Variants in RBM38 observed in about 807,000 individuals in gnomAD.
The protein encoded by RBM38 is RNA binding motif protein 38.
RBM38 carries 11 observed loss-of-function variants against 23.5 expected under a neutral mutation model. That is an observed-to-expected ratio of 0.47 (90% CI 0.29 to 0.77). RBM38 has a LOEUF of 0.77. RBM38 is among the 30% of genes least tolerant of loss of function. The pLI is 0.08. For missense variants in RBM38, 330 were observed against 351.9 expected (o/e 0.94, Z 0.50); for synonymous variants, 165 against 166.1 (o/e 0.99, Z 0.05).
At chr20:57,393,121 C>T (rs1359399679) in intron 2 of RBM38, 158 bp from the exon 3 acceptor site, 3 of 758,682 alleles carry the variant, frequency 4.0e-6, no homozygotes, top group Admixed American at 4.2e-5. Context: ...AGCGGTGTGC[C>T]TTGGGGTTCA....
chr20:57,392,863 C>G, intron 2 of RBM38, 86 bp downstream of exon 2: 1 of 1,535,144 alleles, frequency 6.5e-7, no homozygotes, highest in Non-Finnish European at 8.8e-7. Context: ...GCCCCCCCTC[C>G]TCGCCCCAGC....
intron 3 of RBM38, among the ~76,000 whole-genome samples, chr20:57,397,735 C>T (rs1032344052): frequency 2.8e-4 from 42 of 152,362 alleles, no homozygotes; most frequent in Middle Eastern, 3.4e-3. Flanking sequence ...ATCATTCATT[C>T]ATCAGGTGTT....
rs754559120 is a variant in RBM38, at chr20:57,392,796, C to T, written c.361+19C>T. 1.2e-6 allele frequency: 2 copies of T among 1,608,316 alleles called. No individual in the cohort carries two copies. Among genetic ancestry groups the T allele is most frequent in the Non-Finnish European group, 1.7e-6 (2 of 1,178,256 alleles). On this transcript the variant is annotated intron_variant, in intron 2 of 3. Coordinates refer to ENST00000356208, the MANE Select transcript of RBM38 (RefSeq NM_017495.6). ...CAGACGGGTGAGAGCTTGTGTTTTCCTGCCTGGCTCTTCTCGGTTTCTATA... is the reference window on the plus strand; with the variant it reads ...CAGACGGGTGAGAGCTTGTGTTTTCTTGCCTGGCTCTTCTCGGTTTCTATA...
At chr20:57,399,521 G>T (rs541546294) in intron 3 of RBM38, among the ~76,000 whole-genome samples, 1 of 152,240 alleles carries the variant, frequency 6.6e-6, no homozygotes, top group Non-Finnish European at 1.5e-5. Context: ...CTTTGAAATG[G>T]GAGATGGGCT....
Position 57,394,938 on chromosome 20 carries a change from C to G in RBM38, c.416+1605C>G, listed in dbSNP as rs1434343927. Among the ~76,000 whole-genome samples, 2 of 152,218 alleles carry G rather than the reference C, an allele frequency of 1.3e-5. 1 individual carries two copies. Among genetic ancestry groups the G allele is most frequent in the South Asian group, 4.1e-4 (2 of 4,834 alleles). On this transcript the variant is annotated intron_variant, in intron 3 of 3. Transcript: ENST00000356208. Reference sequence around the variant, plus strand: ...CTCGCTCTGATCCACACAGCTACCTCTGGGACTCCATACCCATCAGTGCTT... The same window carrying G: ...CTCGCTCTGATCCACACAGCTACCTGTGGGACTCCATACCCATCAGTGCTT...
intron 3 of RBM38, among the ~76,000 whole-genome samples, chr20:57,401,536 C>CA (rs2067328220): frequency 6.6e-6 from 1 of 152,244 alleles, no homozygotes; most frequent in South Asian, 2.1e-4. Context: ...GGGCCTGCCT[C>CA]AGATGCTCAG....
intron 3 of RBM38, among the ~76,000 whole-genome samples, chr20:57,406,227 A>G (rs972572974): frequency 1.3e-5 from 2 of 152,152 alleles, no homozygotes; most frequent in Non-Finnish European, 2.9e-5. Context: ...GCCCCAGGCC[A>G]CCGAGCAGCT....
intron 3 of RBM38, among the ~76,000 whole-genome samples, chr20:57,396,650 T>C (rs1243342864): frequency 2.0e-5 from 3 of 152,100 alleles, no homozygotes; most frequent in Admixed American, 6.5e-5. Flanking sequence ...TTATAGAACG[T>C]TTGAAGGGGG....
chr20:57,392,587 G>T, intron 1 of RBM38, 67 bp from the exon 2 acceptor site: 1 of 1,543,434 alleles, frequency 6.5e-7, no homozygotes, highest in Non-Finnish European at 8.7e-7. Context: ...TGCCAGGGCG[G>T]AGCCGTCTGC....
At chr20:57,398,993 G>A (rs2146209872) in intron 3 of RBM38, among the ~76,000 whole-genome samples, 1 of 152,346 alleles carries the variant, frequency 6.6e-6, no homozygotes, top group Non-Finnish European at 1.5e-5. Flanking sequence ...TGCTTGCTTT[G>A]TGCCAGGCTG....
At chr20:57,391,899 C>A (rs2067219910) in intron 1 of RBM38, 81 bp downstream of exon 1, 3 of 1,016,820 alleles carry the variant, frequency 3.0e-6, no homozygotes, top group Non-Finnish European at 3.8e-6. Context: ...CCGGGGCACA[C>A]GCCCAGACGG....
chr20:57,391,714 A>G lies in RBM38; in HGVS notation c.133A>G (p.Thr45Ala). 6.5e-7 allele frequency: 1 copy of G among 1,535,278 alleles called. No individual in the cohort carries two copies. The highest frequency in any genetic ancestry group is 1.4e-5 in the African/African-American group (1 of 71,308). Reference sequence around the variant, plus strand: ...CTTCGTGGGCGGCCTGCCGTACCACACTACCGACGCCTCGCTCAGGAAGTA... The same window carrying G: ...CTTCGTGGGCGGCCTGCCGTACCACGCTACCGACGCCTCGCTCAGGAAGTA... ...KIFVGGLPYH[T>A]TDASLRKYFE... is the part of the protein sequence containing the mutation. The change falls in exon 1 of 4, where the codon ACT becomes GCT. Residue 45 changes from threonine to alanine, a missense_variant. Around this residue, in one of 3 missense-constraint regions of RBM38, gnomAD observed 95 missense variants for 111.9 expected, o/e 0.85. Coordinates refer to ENST00000356208, the MANE Select transcript of RBM38 (RefSeq NM_017495.6).
chr20:57,407,527 CTGCT>C lies in RBM38; in HGVS notation c.417-13_417-10del, dbSNP rs1568815266. ...AACTCCGTTCTGGCCCTAACCTGCTCTGCTTGGCCCCACAGGCTGACCCCGCACT... is the reference window on the plus strand; with the variant it reads ...AACTCCGTTCTGGCCCTAACCTGCTCTGGCCCCACAGGCTGACCCCGCACT... On this transcript the variant is annotated splice_polypyrimidine_tract_variant and intron_variant, in intron 3 of 3. Transcript: ENST00000356208. The surrounding 1 kb of genome is among the most constrained non-coding windows in gnomAD (Gnocchi z 4.0). 1 of 1,611,226 alleles carries C rather than the reference CTGCT, an allele frequency of 6.2e-7. No individual in the cohort carries two copies. Among genetic ancestry groups the C allele is most frequent in the Admixed American group, 1.7e-5 (1 of 59,888 alleles).
intron 3 of RBM38, among the ~76,000 whole-genome samples, chr20:57,405,158 A>G (rs2067368698): frequency 6.6e-6 from 1 of 152,050 alleles, no homozygotes; most frequent in African/African-American, 2.4e-5. Flanking sequence ...ATCGCTGTCC[A>G]CACATCACAG....
rs538465534 is a variant in RBM38 at position 57,395,316 on chromosome 20, A to G, written c.416+1983A>G. 2.0e-5 allele frequency among the ~76,000 whole-genome samples: 3 copies of G among 150,966 alleles called. No individual in the cohort carries two copies. The South Asian group carries it at 6.4e-4, about 32-fold the overall frequency. On this transcript the variant is annotated intron_variant, in intron 3 of 3. Coordinates refer to ENST00000356208, the MANE Select transcript of RBM38 (RefSeq NM_017495.6). The stretch of plus-strand genomic sequence containing the variant: ...ACACAGGTGGTGGGTGCCTGAACGC[A>G]TGCTTTCTTGGTGGGGGACGGTGGG...
Position 57,407,740 on chromosome 20 carries a change from A to T in RBM38, c.614A>T (p.Tyr205Phe). 6.2e-7 allele frequency: 1 copy of T among 1,611,328 alleles called. No individual in the cohort carries two copies. Among genetic ancestry groups the T allele is most frequent in the Non-Finnish European group, 8.5e-7 (1 of 1,179,590 alleles). The change falls in exon 4 of 4, where the codon TAC becomes TTC. Residue 205 changes from tyrosine to phenylalanine, a missense_variant. Physicochemically the swap from Tyr to Phe is conservative, Grantham distance 22. Around this residue, in one of 3 missense-constraint regions of RBM38, gnomAD observed 227 missense variants for 216.4 expected, o/e 1.05. Coordinates refer to ENST00000356208, the MANE Select transcript of RBM38 (RefSeq NM_017495.6). This position sits in a 1 kb window ranked among gnomAD's most constrained non-coding sequence, Gnocchi z 4.0. ...SPATAASFVG[Y>F]SYPAAVPQAL... ...GCCACGGCTGCCAGCTTCGTGGGCT[A>T]CAGCTACCCTGCCGCCGTGCCCCAG... is the stretch of plus-strand genomic sequence containing the variant.
chr20:57,401,170 T>C, intron 3 of RBM38, among the ~76,000 whole-genome samples: 1 of 152,158 alleles, frequency 6.6e-6, no homozygotes, highest in African/African-American at 2.4e-5. Context: ...AGGGCCTCTG[T>C]CCCTCCCAGC....
intron 3 of RBM38, among the ~76,000 whole-genome samples, chr20:57,399,297 CAG>C (rs1284377997): frequency 6.6e-6 from 1 of 152,140 alleles, no homozygotes; most frequent in African/African-American, 2.4e-5. Context: ...TTTTTGTTTT[CAG>C]AGTGTTTTTG....
At chr20:57,397,774 G>A (rs771486631) in intron 3 of RBM38, among the ~76,000 whole-genome samples, 1 of 152,214 alleles carries the variant, frequency 6.6e-6, no homozygotes, top group Non-Finnish European at 1.5e-5. Flanking sequence ...TGCCAGACCT[G>A]GTGCCAGGGA....
Sources: allele counts gnomAD v4.1 joint callset (sites outside exome capture counted in the v4.1 genomes callset), GRCh38; gene constraint gnomAD v4.1.1; regional missense constraint gnomAD v4.1.1; non-coding constraint Gnocchi (gnomAD v3.1); transcripts MANE v1.5; gene names NCBI Gene and HGNC (gene_info 2026-07-23, HGNC 2026-07-21).